Variants in SGCZ observed in about 807,000 individuals in gnomAD.
The protein encoded by SGCZ is sarcoglycan zeta.
Under a neutral mutation model 41.3 loss-of-function variants are expected in SGCZ, and 40 were observed. The observed-to-expected ratio is 0.97, with a 90% CI of 0.75 to 1.26. SGCZ has a LOEUF of 1.26. SGCZ is among the 50% of genes most tolerant of loss of function. The pLI is 0.00. For missense variants in SGCZ, 552 were observed against 369.8 expected (o/e 1.49, Z -4.04); for synonymous variants, 206 against 137.5 (o/e 1.50, Z -3.49).
intron 1 of SGCZ, among the ~76,000 whole-genome samples, chr8:15,072,349 G>C (rs1022973747): frequency 1.1e-4 from 16 of 152,118 alleles, no homozygotes; most frequent in Admixed American, 8.5e-4. Context: ...GGTGTGGTTT[G>C]AAGAGTACAC....
chr8:15,193,793 C>A (rs974569969), intron 1 of SGCZ, among the ~76,000 whole-genome samples: 4 of 152,120 alleles, frequency 2.6e-5, no homozygotes, highest in Non-Finnish European at 5.9e-5. Flanking sequence ...TACCATTAGG[C>A]TTTACGTAAT....
At chr8:14,658,556 C>T (rs1012506008) in intron 1 of SGCZ, among the ~76,000 whole-genome samples, 2 of 152,180 alleles carry the variant, frequency 1.3e-5, no homozygotes, top group African/African-American at 4.8e-5. Flanking sequence ...CACATCCTTA[C>T]ACTTTGGTTC....
At chr8:15,135,692 T>A (rs770971951) in intron 1 of SGCZ, among the ~76,000 whole-genome samples, 2 of 152,144 alleles carry the variant, frequency 1.3e-5, no homozygotes, top group African/African-American at 2.4e-5. Flanking sequence ...AGACTGTGTG[T>A]AGTACTGATG....
rs182468359 is a variant in SGCZ, at chr8:14,195,245, A to G, written c.425-30543T>C. The stretch of plus-strand genomic sequence containing the variant: ...GAAAAGTCAGGGACATGTATTAAAA[A>G]GACCCAAATCAAGCTGCAGTAGGAT... On this transcript the variant is annotated intron_variant, in intron 4 of 7. Coordinates refer to ENST00000382080, the MANE Select transcript of SGCZ (RefSeq NM_139167.4). Among the ~76,000 whole-genome samples, 143 of 152,260 alleles carry G rather than the reference A, an allele frequency of 9.4e-4. 1 individual carries two copies. The highest frequency in any genetic ancestry group is 3.3e-3 in the African/African-American group (136 of 41,578).
At chr8:14,335,763 A>G (rs1380341310) in intron 2 of SGCZ, among the ~76,000 whole-genome samples, 2 of 151,968 alleles carry the variant, frequency 1.3e-5, no homozygotes, top group Non-Finnish European at 2.9e-5. Flanking sequence ...CGCCATACAC[A>G]TTTCCTTCAA....
Position 15,151,109 on chromosome 8 carries a change from G to A in SGCZ, c.39+86476C>T, listed in dbSNP as rs568882955. On this transcript the variant is annotated intron_variant, in intron 1 of 7. Transcript: ENST00000382080. ...GCACACACTTCGCTGGAGCGGCCTC[G>A]GAGGATGGAGGCTGTCTATTCAGAG... 9.2e-5 allele frequency among the ~76,000 whole-genome samples: 14 copies of A among 152,324 alleles called. No individual in the cohort carries two copies. The South Asian group carries it at 2.3e-3, about 25-fold the overall frequency.
intron 1 of SGCZ, among the ~76,000 whole-genome samples, chr8:14,663,287 T>A (rs913561581): frequency 2.0e-5 from 3 of 152,210 alleles, no homozygotes; most frequent in Admixed American, 2.0e-4. Flanking sequence ...TAGCATCCCA[T>A]AATAAATGCT....
intron 1 of SGCZ, among the ~76,000 whole-genome samples, chr8:15,218,443 T>C (rs2117178144): frequency 6.6e-6 from 1 of 152,358 alleles, no homozygotes; most frequent in Admixed American, 6.5e-5. Context: ...CTTTTCTCAG[T>C]GTTTATAATT....
chr8:14,714,691 T>C (rs549625850), intron 1 of SGCZ, among the ~76,000 whole-genome samples: 4 of 151,928 alleles, frequency 2.6e-5, no homozygotes, highest in African/African-American at 4.8e-5. Flanking sequence ...AAAAGATAAA[T>C]AAAACATAAT....
intron 1 of SGCZ, among the ~76,000 whole-genome samples, chr8:14,759,633 A>G (rs1285578273): frequency 6.6e-6 from 1 of 152,180 alleles, no homozygotes; most frequent in Non-Finnish European, 1.5e-5. Context: ...CTTTTGTATC[A>G]TACTGACAGA....
At chr8:14,384,883 T>C (rs1204761734) in intron 2 of SGCZ, among the ~76,000 whole-genome samples, 1 of 152,204 alleles carries the variant, frequency 6.6e-6, no homozygotes, top group Non-Finnish European at 1.5e-5. Flanking sequence ...CAATTCTTAT[T>C]TGTAAGTCCC....
At chr8:14,240,144 T>C (rs1798818396) in intron 3 of SGCZ, among the ~76,000 whole-genome samples, 1 of 151,246 alleles carries the variant, frequency 6.6e-6, no homozygotes, top group Non-Finnish European at 1.5e-5. Context: ...CTGGCCAACA[T>C]GGCCAAACCC....
chr8:14,381,023 C>T (rs962680576), intron 2 of SGCZ, among the ~76,000 whole-genome samples: 1 of 152,112 alleles, frequency 6.6e-6, no homozygotes, highest in African/African-American at 2.4e-5. Flanking sequence ...TTATTTCCAC[C>T]CTTAACTAGG....
intron 3 of SGCZ, among the ~76,000 whole-genome samples, chr8:14,289,560 A>C (rs2116940607): frequency 6.6e-6 from 1 of 152,234 alleles, no homozygotes; most frequent in Middle Eastern, 3.4e-3. Flanking sequence ...TACTCTTGTC[A>C]AAACTCAACT....
intron 1 of SGCZ, among the ~76,000 whole-genome samples, chr8:14,984,419 A>T (rs1801764501): frequency 6.6e-6 from 1 of 152,276 alleles, no homozygotes; most frequent in Non-Finnish European, 1.5e-5. Flanking sequence ...AACCAAATAA[A>T]AATTCATTTT....
intron 4 of SGCZ, among the ~76,000 whole-genome samples, chr8:14,226,414 G>C (rs1461249080): frequency 6.6e-6 from 1 of 151,996 alleles, no homozygotes; most frequent in African/African-American, 2.4e-5. Context: ...TACCATCCCT[G>C]TGAACTACGC....
intron 1 of SGCZ, among the ~76,000 whole-genome samples, chr8:14,879,595 GACACACACACAC>G (rs33933535): frequency 6.8e-6 from 1 of 147,008 alleles, no homozygotes; most frequent in Non-Finnish European, 1.5e-5. Flanking sequence ...CAGACACACA[GACACACACACAC>G]ACACACACAC....
chr8:14,760,105 C>T (rs559377071), intron 1 of SGCZ, among the ~76,000 whole-genome samples: 5 of 152,252 alleles, frequency 3.3e-5, no homozygotes, highest in East Asian at 1.9e-4. Flanking sequence ...AAATTGAGCA[C>T]GGGTTCCACA....
chr8:14,791,553 G>C (rs908720264), intron 1 of SGCZ, among the ~76,000 whole-genome samples: 2 of 151,926 alleles, frequency 1.3e-5, no homozygotes, highest in Non-Finnish European at 1.5e-5. Flanking sequence ...GAAGTTTCTA[G>C]AGCTGACAAA....
Sources: gnomAD v4.1 joint callset for allele counts (sites outside exome capture counted in the v4.1 genomes callset) on GRCh38, gnomAD v4.1.1 for gene constraint, MANE v1.5 for transcripts, NCBI Gene and HGNC (gene_info 2026-07-23, HGNC 2026-07-21) for gene names.